ERGIC1: variants seen among roughly 807,000 people sequenced by gnomAD.
ERGIC1 encodes endoplasmic reticulum-Golgi intermediate compartment protein 1.
A neutral mutation model predicts 38.3 loss-of-function variants in ERGIC1; 19 were observed. The ratio of observed to expected loss-of-function variants is 0.50; its 90% confidence interval spans 0.35 to 0.73. ERGIC1 has a LOEUF of 0.73. Among genes scored for constraint, ERGIC1 ranks in the 30% least tolerant of loss-of-function variants. The probability of loss-of-function intolerance (pLI) is 0.01; values close to 1 mark genes in which losing one functional copy is unlikely to be tolerated. For missense variants in ERGIC1, 294 were observed against 389.2 expected (o/e 0.76, Z 2.06); for synonymous variants, 124 against 157.6 (o/e 0.79, Z 1.60).
At chr5:172,931,944 C>T (rs1763785742) in intron 7 of ERGIC1, among the ~76,000 whole-genome samples, 2 of 151,522 alleles carry the variant, frequency 1.3e-5, no homozygotes, top group Non-Finnish European at 2.9e-5. Flanking sequence ...CTGCAACCTC[C>T]GCCTCCCAGG....
chr5:172,938,340 TG>T (rs1253994844), intron 9 of ERGIC1, among the ~76,000 whole-genome samples: 1 of 152,170 alleles, frequency 6.6e-6, no homozygotes, highest in Non-Finnish European at 1.5e-5. Flanking sequence ...GTCTGTACAT[TG>T]ACTATAGCAG....
At chr5:172,871,690 GGGGGT>G (rs1207522658) in intron 1 of ERGIC1, among the ~76,000 whole-genome samples, 1 of 152,160 alleles carries the variant, frequency 6.6e-6, no homozygotes, top group East Asian at 1.9e-4. Context: ...AGGAGAGAGA[GGGGGT>G]GATGCAGACA....
At chr5:172,922,701 C>G (rs1046114206) in intron 5 of ERGIC1, among the ~76,000 whole-genome samples, 14 of 152,208 alleles carry the variant, frequency 9.2e-5, no homozygotes, top group African/African-American at 3.4e-4. Context: ...GGTGGGGACA[C>G]GATGCTTGGC....
At chr5:172,932,738 G>C (rs1451103457) in intron 8 of ERGIC1, 2 of 596,814 alleles carry the variant, frequency 3.4e-6, no homozygotes, top group Non-Finnish European at 5.9e-6. Context: ...CAGAGTCAAG[G>C]AGAACAGATC....
At chr5:172,853,742 C>G (rs1466272324) in intron 1 of ERGIC1, among the ~76,000 whole-genome samples, 1 of 152,202 alleles carries the variant, frequency 6.6e-6, no homozygotes, top group Non-Finnish European at 1.5e-5. Flanking sequence ...TGGGAGTGTG[C>G]TCTGGCCCTG....
chr5:172,856,971 A>G (rs1190742600), intron 1 of ERGIC1, among the ~76,000 whole-genome samples: 1 of 152,230 alleles, frequency 6.6e-6, no homozygotes, highest in Non-Finnish European at 1.5e-5. Context: ...GCACTGGGGT[A>G]GCCAAGGGTT....
At position 172,935,183 on chromosome 5, in the gene ERGIC1, C is replaced by G. The variant is rs200458222; in HGVS notation, c.643-5C>G. Reference sequence around the variant, plus strand: ...TACTTCTGATTCTTATATCCTCTACCCCAGGAATACGTCGCCTACAGCCAC... The same window carrying G: ...TACTTCTGATTCTTATATCCTCTACGCCAGGAATACGTCGCCTACAGCCAC... On this transcript the variant is annotated splice_polypyrimidine_tract_variant and splice_region_variant and intron_variant, in intron 8 of 9. Transcript: ENST00000393784. 6.2e-7 allele frequency: 1 copy of G among 1,614,122 alleles called. No individual in the cohort carries two copies. Among genetic ancestry groups the G allele is most frequent in the South Asian group, 1.1e-5 (1 of 91,080 alleles).
intron 1 of ERGIC1, among the ~76,000 whole-genome samples, chr5:172,849,937 A>G (rs1761363552): frequency 6.6e-6 from 1 of 152,146 alleles, no homozygotes; most frequent in Admixed American, 6.6e-5. Context: ...AACTATAAAT[A>G]TCATCTTCTT....
intron 9 of ERGIC1, among the ~76,000 whole-genome samples, chr5:172,948,897 TA>T (rs1052071376): frequency 3.3e-5 from 5 of 151,638 alleles, no homozygotes; most frequent in Non-Finnish European, 7.4e-5. Flanking sequence ...AATTAAAAAT[TA>T]AAAAAAATTA....
At position 172,913,816 on chromosome 5, in the gene ERGIC1, C is replaced by T. The variant is rs369915249; in HGVS notation, c.251-898C>T. 2.1e-4 allele frequency among the ~76,000 whole-genome samples: 32 copies of T among 152,294 alleles called. No homozygotes were observed. The East Asian group carries it at 4.1e-3, about 19-fold the overall frequency. On this transcript the variant is annotated intron_variant, in intron 4 of 9. Coordinates refer to ENST00000393784, the MANE Select transcript of ERGIC1 (RefSeq NM_001031711.3). The stretch of plus-strand genomic sequence containing the variant: ...GCAGGGCCTATCTTTTCCCTTTGTG[C>T]ATTCCTGGTGCTTATCATAGGGCTG...
chr5:172,928,707 A>G (rs1264035376), intron 7 of ERGIC1, among the ~76,000 whole-genome samples: 1 of 152,102 alleles, frequency 6.6e-6, no homozygotes, highest in East Asian at 1.9e-4. Flanking sequence ...GGAGGCCACT[A>G]TGGAAGAGCT....
chr5:172,882,831 G>T (rs1204230622), intron 1 of ERGIC1, among the ~76,000 whole-genome samples: 2 of 152,102 alleles, frequency 1.3e-5, no homozygotes, highest in Non-Finnish European at 2.9e-5. Context: ...CAGGAGTCAG[G>T]GTTAAACCAG....
chr5:172,945,294 A>G (rs923594980), intron 9 of ERGIC1, among the ~76,000 whole-genome samples: 3 of 152,132 alleles, frequency 2.0e-5, no homozygotes, highest in Admixed American at 2.0e-4. Context: ...GGCCTCAGCT[A>G]CCTGTTCTGT....
At chr5:172,868,376 A>AG (rs1413638788) in intron 1 of ERGIC1, among the ~76,000 whole-genome samples, 1 of 152,248 alleles carries the variant, frequency 6.6e-6, no homozygotes, top group Non-Finnish European at 1.5e-5. Context: ...CAGGATTGAA[A>AG]GGTAATGAGC....
intron 3 of ERGIC1, among the ~76,000 whole-genome samples, chr5:172,908,011 T>C (rs1763078113): frequency 6.6e-6 from 1 of 151,864 alleles, no homozygotes; most frequent in South Asian, 2.1e-4. Context: ...CAAGGTGACA[T>C]GGCTGTCTGT....
chr5:172,916,004 T>G (rs999481902), intron 5 of ERGIC1: 2 of 204,848 alleles, frequency 9.8e-6, no homozygotes, highest in Non-Finnish European at 2.0e-5. Flanking sequence ...AGTCAGAGGC[T>G]CTCACTACAC....
chr5:172,898,492 CCTGG>C (rs1561724307), intron 3 of ERGIC1: 2 of 152,262 alleles, frequency 1.3e-5, no homozygotes, highest in Non-Finnish European at 2.9e-5. Context: ...TCAGCCCTCC[CCTGG>C]CATGGGAGAG....
Position 172,914,805 on chromosome 5 carries a change from C to A in ERGIC1, c.342C>A (p.Gly114=), listed in dbSNP as rs775353324. 8.7e-6 allele frequency: 14 copies of A among 1,614,114 alleles called. No individual in the cohort carries two copies. Among genetic ancestry groups the A allele is most frequent in the Admixed American group, 6.7e-5 (4 of 60,004 alleles). Residue 114 remains glycine, a synonymous_variant, in exon 5 of 10, where the codon GGC becomes GGA. Transcript: ENST00000393784. ...AGATCCCGCTGAACAATGGGGCAGG[C>A]TGCCGCTTCGAGGGGCAGTTCAGCA... ...SMKIPLNNGA[G]CRFEGQFSIN...
intron 5 of ERGIC1, chr5:172,915,653 G>A (rs896374860): frequency 2.1e-6 from 1 of 470,998 alleles, no homozygotes; most frequent in African/African-American, 2.0e-5. Flanking sequence ...TCACAGTGGA[G>A]CCTCTCAACA....
Sources: allele counts gnomAD v4.1 joint callset (sites outside exome capture counted in the v4.1 genomes callset), GRCh38; gene constraint gnomAD v4.1.1; transcripts MANE v1.5; gene names NCBI Gene and HGNC (gene_info 2026-07-23, HGNC 2026-07-21).